Variants in FAM177A1 observed in about 807,000 individuals in gnomAD.
FAM177A1 encodes protein FAM177A1.
A neutral mutation model predicts 26.1 loss-of-function variants in FAM177A1; 22 were observed. The observed-to-expected ratio is 0.84, with a 90% confidence interval of 0.60 to 1.20. The LOEUF (loss-of-function observed/expected upper bound fraction) is 1.20. Among genes scored for constraint, FAM177A1 ranks in the 50% most tolerant of loss-of-function variants. The pLI is 0.00. For synonymous variants in FAM177A1, 95 were observed against 99.3 expected (o/e 0.96, Z 0.26); for missense variants, 296 against 291.1 (o/e 1.02, Z -0.12).
In FAM177A1 at chr14:35,051,922, C is replaced by T. The variant is rs1330788690; in HGVS notation, c.166-1356C>T. 5.3e-5 allele frequency among the ~76,000 whole-genome samples: 8 copies of T among 152,230 alleles called. No homozygotes were observed. In the East Asian group the frequency reaches 9.6e-4, roughly 18 times the overall value. On this transcript the variant is annotated intron_variant, in intron 1 of 4. Coordinates refer to ENST00000280987, the MANE Select transcript of FAM177A1 (RefSeq NM_173607.5). ...CAGTATAATCCTTTTTTTGCAATAG[C>T]AATTCAAAGAGCTTTTCCAGTGGTT...
intron 4 of FAM177A1, among the ~76,000 whole-genome samples, chr14:35,080,599 G>A (rs1170532781): frequency 6.6e-6 from 1 of 152,010 alleles, no homozygotes; most frequent in African/African-American, 2.4e-5. Context: ...TCAGGAGTTC[G>A]AGACCAGCCT....
At chr14:35,066,053 T>C (rs1030018770) in intron 2 of FAM177A1, among the ~76,000 whole-genome samples, 2 of 151,888 alleles carry the variant, frequency 1.3e-5, no homozygotes, top group African/African-American at 4.8e-5. Context: ...TCGTAGGAAT[T>C]CTAATCCTTT....
At chr14:35,066,296 C>T (rs973945749) in intron 2 of FAM177A1, among the ~76,000 whole-genome samples, 7 of 151,770 alleles carry the variant, frequency 4.6e-5, no homozygotes, top group South Asian at 2.1e-4. Flanking sequence ...TTGGACTCCT[C>T]GGCTCAAATG....
chr14:35,073,702 CT>C (rs2138564499), intron 2 of FAM177A1, among the ~76,000 whole-genome samples: 1 of 152,266 alleles, frequency 6.6e-6, no homozygotes, highest in Admixed American at 6.5e-5. Flanking sequence ...TGGTGTTTAT[CT>C]TTTTCCTTTA....
At chr14:35,053,514 A>T in intron 2 of FAM177A1, 63 bp downstream of exon 2, 2 of 1,524,564 alleles carry the variant, frequency 1.3e-6, no homozygotes, top group Non-Finnish European at 1.8e-6. Flanking sequence ...TTTTTTCCCT[A>T]AACATTGAGT....
At chr14:35,073,151 A>G (rs1485481856) in intron 2 of FAM177A1, among the ~76,000 whole-genome samples, 1 of 152,002 alleles carries the variant, frequency 6.6e-6, no homozygotes, top group Non-Finnish European at 1.5e-5. Context: ...GCTCACTGCA[A>G]CCTCCATCTC....
intron 2 of FAM177A1, chr14:35,055,033 G>C (rs976755463): frequency 6.6e-6 from 1 of 151,860 alleles, no homozygotes; most frequent in South Asian, 2.1e-4. Context: ...CAGGAGCAAT[G>C]GTTCACGCCT....
intron 1 of FAM177A1, among the ~76,000 whole-genome samples, chr14:35,052,923 GAAA>G (rs1012025894): frequency 6.6e-6 from 1 of 151,202 alleles, no homozygotes; most frequent in Non-Finnish European, 1.5e-5. Flanking sequence ...CTGTCTGGGG[GAAA>G]AAAAAATTCC....
At chr14:35,056,841 T>C (rs1486829808) in intron 2 of FAM177A1, among the ~76,000 whole-genome samples, 1 of 152,180 alleles carries the variant, frequency 6.6e-6, no homozygotes, top group Non-Finnish European at 1.5e-5. Flanking sequence ...TTATCTGTTA[T>C]CTTATTTGTT....
rs1363089420 is a variant in FAM177A1, at chr14:35,082,725, C to T, written c.*1497C>T. ...AGAAATTAATAGTTATATTAATAGCCTTCTAAACAGCATTAAGTTTTCAAT... is the reference window on the plus strand; with the variant it reads ...AGAAATTAATAGTTATATTAATAGCTTTCTAAACAGCATTAAGTTTTCAAT... On this transcript the variant is annotated 3_prime_UTR_variant, in exon 5 of 5. Coordinates refer to ENST00000280987, the MANE Select transcript of FAM177A1 (RefSeq NM_173607.5). The T allele has an allele frequency of 2.0e-5, 3 of 152,002 alleles. No individual in the cohort carries two copies. Among genetic ancestry groups the T allele is most frequent in the Non-Finnish European group, 4.4e-5 (3 of 68,006 alleles). 9.4% of individuals were successfully genotyped at this position (152,002 alleles called of 1,614,324 possible).
At chr14:35,074,249 A>G (rs1040548354) in intron 2 of FAM177A1, among the ~76,000 whole-genome samples, 2 of 152,042 alleles carry the variant, frequency 1.3e-5, no homozygotes, top group African/African-American at 4.8e-5. Flanking sequence ...GGTTCAAACG[A>G]TTCTCCCGTC....
intron 2 of FAM177A1, among the ~76,000 whole-genome samples, chr14:35,062,105 T>C (rs943779588): frequency 2.0e-5 from 3 of 152,204 alleles, no homozygotes; most frequent in Non-Finnish European, 4.4e-5. Flanking sequence ...CTTCCTTTGC[T>C]GGGAGGGTGC....
At chr14:35,070,804 T>G (rs943245108) in intron 2 of FAM177A1, among the ~76,000 whole-genome samples, 1 of 152,026 alleles carries the variant, frequency 6.6e-6, no homozygotes, top group Non-Finnish European at 1.5e-5. Flanking sequence ...ATATTATAAT[T>G]ATATTAATAT....
intron 2 of FAM177A1, among the ~76,000 whole-genome samples, chr14:35,053,820 C>T (rs2045016931): frequency 6.6e-6 from 1 of 152,014 alleles, no homozygotes; most frequent in African/African-American, 2.4e-5. Flanking sequence ...GGCAAAACGC[C>T]ATCTCTACTA....
chr14:35,067,135 T>TA (rs1309892016), intron 2 of FAM177A1, among the ~76,000 whole-genome samples: 2 of 152,156 alleles, frequency 1.3e-5, no homozygotes, highest in Non-Finnish European at 2.9e-5. Context: ...CTCAAGTACT[T>TA]ACCATTTATT....
chr14:35,076,781 A>G (rs1366083017), intron 2 of FAM177A1, among the ~76,000 whole-genome samples: 1 of 152,124 alleles, frequency 6.6e-6, no homozygotes, highest in East Asian at 1.9e-4. Context: ...CTATTGACTG[A>G]ACACCCCCTC....
intron 2 of FAM177A1, among the ~76,000 whole-genome samples, chr14:35,073,308 A>G (rs2045350610): frequency 1.3e-5 from 2 of 152,180 alleles, no homozygotes; most frequent in South Asian, 4.1e-4. Context: ...GAGCTCAGGT[A>G]ATCTGCCCGC....
At chr14:35,058,321 C>T (rs1439695078) in intron 2 of FAM177A1, among the ~76,000 whole-genome samples, 1 of 152,068 alleles carries the variant, frequency 6.6e-6, no homozygotes, top group African/African-American at 2.4e-5. Flanking sequence ...ACCTTGGCCT[C>T]CCAAAGAGCT....
At chr14:35,064,815 C>G (rs2045216451) in intron 2 of FAM177A1, among the ~76,000 whole-genome samples, 1 of 151,930 alleles carries the variant, frequency 6.6e-6, no homozygotes, top group Non-Finnish European at 1.5e-5. Flanking sequence ...CCATGACCAG[C>G]TAATTTTTTT....
Sources: gnomAD v4.1 joint callset for allele counts (sites outside exome capture counted in the v4.1 genomes callset) on GRCh38, gnomAD v4.1.1 for gene constraint, MANE v1.5 for transcripts, NCBI Gene and HGNC (gene_info 2026-07-23, HGNC 2026-07-21) for gene names.